The following ZNF254 variants were observed in gnomAD, a reference collection of about 807,000 sequenced individuals.
The protein encoded by ZNF254 is CTD-2017D11.1.
A neutral mutation model predicts 12.4 loss-of-function variants in ZNF254; 10 were observed. The ratio of observed to expected loss-of-function variants is 0.80; its 90% confidence interval spans 0.50 to 1.36. ZNF254 has a LOEUF of 1.36. Ranked by LOEUF, ZNF254 falls within the 40% of genes most tolerant of loss-of-function variation. ZNF254 has a pLI of 0.00. For synonymous variants in ZNF254, 305 were observed against 253.4 expected (o/e 1.20, Z -1.93); for missense variants, 996 against 763.9 (o/e 1.30, Z -3.58).
At chr19:24,058,496 C>T (rs952804885) in intron 2 of ZNF254, among the ~76,000 whole-genome samples, 19 of 151,750 alleles carry the variant, frequency 1.3e-4, no homozygotes, top group Admixed American at 3.9e-4. Context: ...AGGCAACCTC[C>T]GCCTCCTGGG....
At chr19:24,049,707 C>T (rs1444807832) in intron 2 of ZNF254, among the ~76,000 whole-genome samples, 4 of 151,934 alleles carry the variant, frequency 2.6e-5, no homozygotes, top group Non-Finnish European at 5.9e-5. Context: ...GGTTATGTGA[C>T]TCTTCTGCCT....
In ZNF254 at chr19:24,053,415, C is replaced by G. The variant is rs552316545; in HGVS notation, c.-94+7136C>G. ...GTTTGTGACATACACCTTTTTTAAGCACCTAAGTAATTTGACTCTCCTGCC... is the reference window on the plus strand; with the variant it reads ...GTTTGTGACATACACCTTTTTTAAGGACCTAAGTAATTTGACTCTCCTGCC... On this transcript the variant is annotated intron_variant, in intron 2 of 4. Transcript: ENST00000613065. Among the ~76,000 whole-genome samples the G allele has an allele frequency of 5.9e-4, 90 of 152,252 alleles. 1 individual carries two copies. Among genetic ancestry groups the G allele is most frequent in the Admixed American group, 5.2e-3 (80 of 15,284 alleles).
At position 24,125,033 on chromosome 19, in the gene ZNF254, C is replaced by T. The variant is rs563067406; in HGVS notation, c.254-1221C>T. 1.5e-3 allele frequency among the ~76,000 whole-genome samples: 225 copies of T among 152,230 alleles called. 1 individual carries two copies. Among genetic ancestry groups the T allele is most frequent in the Non-Finnish European group, 2.6e-3 (176 of 68,004 alleles). On this transcript the variant is annotated intron_variant, in intron 3 of 3. Transcript: ENST00000357002. Reference sequence around the variant, plus strand: ...CTCCTGACCTCAGGTGATCGGCCCACCTTGGCCTCCCAAAGTGCCTGGATT... The same window carrying T: ...CTCCTGACCTCAGGTGATCGGCCCATCTTGGCCTCCCAAAGTGCCTGGATT...
intron 1 of ZNF254, among the ~76,000 whole-genome samples, chr19:24,088,515 T>A (rs1972167434): frequency 6.6e-6 from 1 of 152,100 alleles, no homozygotes; most frequent in African/African-American, 2.4e-5. Context: ...CCAGCCTAAC[T>A]CTGGCTTGCA....
intron 1 of ZNF254, among the ~76,000 whole-genome samples, chr19:24,037,065 T>A (rs1303973653): frequency 6.6e-6 from 1 of 152,226 alleles, no homozygotes; most frequent in Non-Finnish European, 1.5e-5. Flanking sequence ...CTACCAATCA[T>A]AATCTCATCC....
At chr19:24,120,331 A>G (rs540829761) in intron 3 of ZNF254, among the ~76,000 whole-genome samples, 5 of 152,160 alleles carry the variant, frequency 3.3e-5, no homozygotes, top group African/African-American at 1.2e-4. Flanking sequence ...TCATCTTAAA[A>G]ATGGAATTTA....
chr19:24,068,807 A>G (rs142182858), intron 2 of ZNF254, among the ~76,000 whole-genome samples: 3 of 152,274 alleles, frequency 2.0e-5, no homozygotes, highest in East Asian at 1.9e-4. Context: ...TGCAATTGCT[A>G]TGATGATTCT....
upstream of ZNF254, among the ~76,000 whole-genome samples, chr19:24,086,640 G>A (rs1269063981): frequency 6.6e-6 from 1 of 152,010 alleles, no homozygotes; most frequent in African/African-American, 2.4e-5. Context: ...ACTACGCCCA[G>A]CTAATTTTGT....
At chr19:24,111,729 T>G (rs903873115) in intron 3 of ZNF254, among the ~76,000 whole-genome samples, 143 of 152,232 alleles carry the variant, frequency 9.4e-4, no homozygotes, top group African/African-American at 3.3e-3. Flanking sequence ...TTTCATGTGT[T>G]TTTTGGCTGC....
At chr19:24,091,712 C>T (rs111738696) in intron 1 of ZNF254, among the ~76,000 whole-genome samples, 22,669 of 151,394 alleles carry the variant, frequency 0.15, 1,727 homozygotes, top group Middle Eastern at 0.17. Context: ...AGGCTGGTCT[C>T]GAACTCCTGA....
chr19:24,050,220 C>G (rs768511820), intron 2 of ZNF254, among the ~76,000 whole-genome samples: 3 of 151,974 alleles, frequency 2.0e-5, no homozygotes. Context: ...AGTGCAGTGG[C>G]GTGATCTCTG....
intron 1 of ZNF254, among the ~76,000 whole-genome samples, chr19:24,099,617 T>C (rs1353703837): frequency 2.0e-5 from 3 of 152,216 alleles, no homozygotes; most frequent in African/African-American, 4.8e-5. Context: ...CCTTCTGTCA[T>C]GAAGATGTGA....
intron 1 of ZNF254, among the ~76,000 whole-genome samples, chr19:24,093,909 A>G (rs978797223): frequency 1.3e-5 from 2 of 152,040 alleles, no homozygotes; most frequent in South Asian, 2.1e-4. Flanking sequence ...GATCTTTTCT[A>G]TTTATGAGCA....
chr19:24,049,203 TATATATATA>T (rs1270358005), intron 2 of ZNF254, among the ~76,000 whole-genome samples: 2 of 68,490 alleles, frequency 2.9e-5, no homozygotes, highest in African/African-American at 1.3e-4. Context: ...TATATATATA[TATATATATA>T]TATTTTTTTT....
chr19:24,064,055 C>T (rs1379181191), intron 2 of ZNF254: 6 of 152,194 alleles, frequency 3.9e-5, no homozygotes. Context: ...ATTATTCTGC[C>T]TGGTCCCTGT....
intron 2 of ZNF254, among the ~76,000 whole-genome samples, chr19:24,071,264 G>A (rs1264309160): frequency 6.6e-6 from 1 of 152,194 alleles, no homozygotes; most frequent in Non-Finnish European, 1.5e-5. Flanking sequence ...GACCAAGAAG[G>A]GGGAGTGACT....
At chr19:24,080,995 T>C (rs148678185) in intron 2 of ZNF254, among the ~76,000 whole-genome samples, 348 of 149,392 alleles carry the variant, frequency 2.3e-3, no homozygotes, top group African/African-American at 8.0e-3. Context: ...GAGATTCACA[T>C]AAACCCGGGA....
chr19:24,033,631 C>T (rs1250555044), intron 1 of ZNF254: 2 of 397,062 alleles, frequency 5.0e-6, no homozygotes, highest in Non-Finnish European at 1.0e-5. Flanking sequence ...GGTGAGTGTG[C>T]GGGGTTGGGC....
intron 3 of ZNF254, among the ~76,000 whole-genome samples, chr19:24,120,525 A>C (rs936680168): frequency 6.6e-6 from 1 of 152,158 alleles, no homozygotes; most frequent in African/African-American, 2.4e-5. Context: ...ATGCATCATC[A>C]TTATGATAGT....
Sources: gnomAD v4.1 joint callset for allele counts (sites outside exome capture counted in the v4.1 genomes callset) on GRCh38, gnomAD v4.1.1 for gene constraint, MANE v1.5 for transcripts, NCBI Gene and HGNC (gene_info 2026-07-23, HGNC 2026-07-21) for gene names.